Variants in PLEKHG5 observed in about 807,000 individuals in gnomAD.
The protein encoded by PLEKHG5 is pleckstrin homology domain-containing family G member 5.
A neutral mutation model predicts 103.8 loss-of-function variants in PLEKHG5; 52 were observed. The ratio of observed to expected loss-of-function variants is 0.50; its 90% CI spans 0.40 to 0.63. PLEKHG5 has a LOEUF of 0.63. Among genes scored for constraint, PLEKHG5 ranks in the 30% least tolerant of loss-of-function variants. The pLI, the probability that PLEKHG5 is intolerant of heterozygous loss-of-function variation, is 0.00. For missense variants in PLEKHG5, 1,205 were observed against 1,347.6 expected (o/e 0.89, Z 1.66); for synonymous variants, 592 against 575.5 (o/e 1.03, Z -0.41).
intron 1 of PLEKHG5, among the ~76,000 whole-genome samples, chr1:6,504,290 C>T (rs916835639): frequency 1.3e-5 from 2 of 152,170 alleles, no homozygotes; most frequent in East Asian, 3.9e-4. Flanking sequence ...CCTCACCCCA[C>T]CCCCACATCC....
Position 6,490,012 on chromosome 1 carries a change from G to C in PLEKHG5, c.-88+1625C>G, listed in dbSNP as rs915797253. Among the ~76,000 whole-genome samples the C allele has an allele frequency of 6.6e-6, 1 of 152,210 alleles. No homozygotes were observed. Among genetic ancestry groups the C allele is most frequent in the Non-Finnish European group, 1.5e-5 (1 of 68,030 alleles). The stretch of plus-strand genomic sequence containing the variant: ...CACCCCTAAGTGGGTGCCTGGGTCT[G>C]CTCAGACTGCCCGAGGCGCAGCCTC... On this transcript the variant is annotated intron_variant, in intron 1 of 20. Transcript: ENST00000377728. The surrounding 1 kb of genome is among the most constrained non-coding windows in gnomAD (Gnocchi z 8.0).
chr1:6,500,718 C>T (rs894687473), upstream of PLEKHG5, among the ~76,000 whole-genome samples: 2 of 152,022 alleles, frequency 1.3e-5, no homozygotes, highest in Non-Finnish European at 2.9e-5. Flanking sequence ...ACCTGGAACC[C>T]TGCACTCCAC....
upstream of PLEKHG5, among the ~76,000 whole-genome samples, chr1:6,496,254 T>G (rs1235894127): frequency 1.3e-5 from 2 of 152,260 alleles, no homozygotes; most frequent in African/African-American, 4.8e-5. Context: ...AGCAAAGGGC[T>G]TTGGGGTACT....
chr1:6,500,920 C>G (rs570472844), upstream of PLEKHG5, among the ~76,000 whole-genome samples: 12 of 152,344 alleles, frequency 7.9e-5, no homozygotes, highest in East Asian at 2.3e-3. Flanking sequence ...CAGGAGGCCA[C>G]TTGGGCTTTG....
At chr1:6,481,740 T>G (rs567064755) in intron 1 of PLEKHG5, among the ~76,000 whole-genome samples, 121 of 151,316 alleles carry the variant, frequency 8.0e-4, no homozygotes, top group African/African-American at 2.8e-3. Context: ...GGCACACGCC[T>G]GTAGTCCCAG....
Position 6,501,973 on chromosome 1 carries a change from C to T in PLEKHG5, c.-164-5404G>A, listed in dbSNP as rs1477048846. 6.6e-6 allele frequency among the ~76,000 whole-genome samples: 1 copy of T among 152,254 alleles called. No individual in the cohort carries two copies. Among genetic ancestry groups the T allele is most frequent in the Non-Finnish European group, 1.5e-5 (1 of 68,044 alleles). On this transcript the variant is annotated intron_variant, in intron 1 of 21. Coordinates refer to the PLEKHG5 transcript ENST00000377740. The surrounding 1 kb of genome is among the most constrained non-coding windows in gnomAD (Gnocchi z 4.3). ...CTCCCTGCCCACGACCTCCCAACCA[C>T]AGGCCTGGCCATGCAAAGGCTGCCC...
At position 6,467,228 on chromosome 1, in the gene PLEKHG5, G is replaced by T; in HGVS notation, c.*335C>A. 2 of 507,518 alleles carry T rather than the reference G, an allele frequency of 3.9e-6. No homozygotes were observed. The highest frequency in any genetic ancestry group is 4.1e-5 in the South Asian group (2 of 48,494). 31.4% of individuals were successfully genotyped at this position (507,518 alleles called of 1,614,324 possible). A position where few individuals can be genotyped will look rare whatever the true frequency, so the allele number is the denominator to read the frequency against. On this transcript the variant is annotated 3_prime_UTR_variant, in exon 21 of 21. Transcript: ENST00000377728. ...GGCCTGTGGGACTGGGAAGGTGGGGGCAGGGCAGGAGTGAATCCCACTGGA... is the reference window on the plus strand; with the variant it reads ...GGCCTGTGGGACTGGGAAGGTGGGGTCAGGGCAGGAGTGAATCCCACTGGA...
At chr1:6,516,703 AG>A (rs1638623159) in intron 1 of PLEKHG5, among the ~76,000 whole-genome samples, 2 of 151,282 alleles carry the variant, frequency 1.3e-5, no homozygotes, top group South Asian at 2.1e-4. Context: ...TGTATTGGCA[AG>A]TTTTTTGTAC....
rs369394216 is a variant in PLEKHG5, at chr1:6,490,385, G to A, written c.-88+1252C>T. ...GGGTTCTGTCCATCGGTTTAGGGGG[G>A]TCCTGGCGCCTAGTCCCACCCCCCG... On this transcript the variant is annotated intron_variant, in intron 1 of 20. Transcript: ENST00000377728. This position sits in a 1 kb window ranked among gnomAD's most constrained non-coding sequence, Gnocchi z 8.0. 2.2e-5 allele frequency: 20 copies of A among 923,040 alleles called. No individual in the cohort carries two copies. Among genetic ancestry groups the A allele is most frequent in the Middle Eastern group, 5.6e-4 (1 of 1,792 alleles). 57.2% of individuals were successfully genotyped at this position (923,040 alleles called of 1,614,324 possible).
At chr1:6,479,134 T>C (rs1392546616) in intron 1 of PLEKHG5, among the ~76,000 whole-genome samples, 2 of 152,144 alleles carry the variant, frequency 1.3e-5, no homozygotes, top group Middle Eastern at 3.2e-3. Context: ...CAAAACCCCA[T>C]AGAATTGTCG....
intron 1 of PLEKHG5, among the ~76,000 whole-genome samples, chr1:6,489,212 A>C (rs1178435225): frequency 6.6e-6 from 1 of 151,992 alleles, no homozygotes; most frequent in Admixed American, 6.5e-5. Context: ...TTAGAAATCC[A>C]GGGGTGGAGA....
chr1:6,514,459 A>AAAAAG (rs1638560605), intron 1 of PLEKHG5, among the ~76,000 whole-genome samples: 1 of 151,348 alleles, frequency 6.6e-6, no homozygotes, highest in Admixed American at 6.6e-5. Flanking sequence ...GCCTCAAAAA[A>AAAAAG]AAAAAGAAAA....
Position 6,474,023 on chromosome 1 carries a change from A to G in PLEKHG5, c.581T>C (p.Leu194Pro). The G allele has an allele frequency of 7.1e-7, 1 of 1,415,138 alleles. No individual in the cohort carries two copies. Among genetic ancestry groups the G allele is most frequent in the Non-Finnish European group, 9.4e-7 (1 of 1,062,454 alleles). The allele number at this position is 1,415,138 out of a possible 1,614,324, so 87.7% of individuals were successfully genotyped here. A position where few individuals can be genotyped will look rare whatever the true frequency, so the allele number is the denominator to read the frequency against. The change falls in exon 7 of 21, where the codon CTG becomes CCG. Residue 194 changes from leucine (L) to proline (P), a missense_variant. By Grantham distance (98) the Leu-to-Pro change is moderately conservative. Transcript: ENST00000377728. ...RVDAQSRRES[L>P]DILAPGRRRK... ...CCCCCTCCTCCTCACCAAGATGTCC[A>G]GGCTCTCCCGGCGGCTCTGGGCGTC...
chr1:6,515,322 T>C (rs1261898719), intron 1 of PLEKHG5, among the ~76,000 whole-genome samples: 3 of 150,620 alleles, frequency 2.0e-5, no homozygotes, highest in African/African-American at 7.4e-5. Flanking sequence ...GGTCGAGAGA[T>C]TGAGACCATC....
chr1:6,512,015 G>A (rs529364369), intron 1 of PLEKHG5, among the ~76,000 whole-genome samples: 7 of 152,280 alleles, frequency 4.6e-5, no homozygotes, highest in South Asian at 2.1e-4. Flanking sequence ...AACATCTGCC[G>A]GTGTCCTATG....
rs971533488 is a variant in PLEKHG5, at chr1:6,491,429, C to G, written c.-88+208G>C. 4.6e-5 allele frequency among the ~76,000 whole-genome samples: 7 copies of G among 152,170 alleles called. No individual in the cohort carries two copies. Among genetic ancestry groups the G allele is most frequent in the Non-Finnish European group, 1.0e-4 (7 of 68,026 alleles). ...GTCTTCACCTGCTCCCCCAAAACTACTTAGCCAAAACCCAGGAGTCCCCTT... is the reference window on the plus strand; with the variant it reads ...GTCTTCACCTGCTCCCCCAAAACTAGTTAGCCAAAACCCAGGAGTCCCCTT... On this transcript the variant is annotated intron_variant, in intron 1 of 20. Transcript: ENST00000377728. This position sits in a 1 kb window ranked among gnomAD's most constrained non-coding sequence, Gnocchi z 4.1.
At chr1:6,467,640 C>G in intron 20 of PLEKHG5, 68 bp from the exon 21 acceptor site, 1 of 1,550,206 alleles carries the variant, frequency 6.5e-7, no homozygotes. Flanking sequence ...TGGTCACCCT[C>G]TCTTCCCCAC....
chr1:6,494,242 T>C (rs1232284508), upstream of PLEKHG5, among the ~76,000 whole-genome samples: 1 of 150,008 alleles, frequency 6.7e-6, no homozygotes, highest in African/African-American at 2.5e-5. Flanking sequence ...GCAATTCTCC[T>C]GCCTCAGCCT....
intron 1 of PLEKHG5, among the ~76,000 whole-genome samples, chr1:6,518,224 G>A (rs1381604056): frequency 1.3e-5 from 2 of 151,448 alleles, no homozygotes; most frequent in South Asian, 2.1e-4. Flanking sequence ...GAGCCACTGC[G>A]CCCGGCCGTG....
Sources: gnomAD v4.1 joint callset for allele counts (sites outside exome capture counted in the v4.1 genomes callset) on GRCh38, gnomAD v4.1.1 for gene constraint, Gnocchi (gnomAD v3.1) non-coding constraint, MANE v1.5 for transcripts, NCBI Gene and HGNC (gene_info 2026-07-23, HGNC 2026-07-21) for gene names.